ARNT2: variants seen among roughly 807,000 people sequenced by gnomAD.
ARNT2 encodes ARNT protein 2.
A neutral mutation model predicts 91.7 loss-of-function variants in ARNT2; 36 were observed. The observed-to-expected ratio is 0.39, with a 90% CI of 0.30 to 0.52. The LOEUF (loss-of-function observed/expected upper bound fraction) is 0.52, where lower values mean the gene tolerates loss of function less well. Among genes scored for constraint, ARNT2 ranks in the 20% least tolerant of loss-of-function variants. ARNT2 has a pLI of 0.72. For synonymous variants in ARNT2, 365 were observed against 347.1 expected, an observed-to-expected ratio of 1.05 and a Z score of -0.57; for missense variants, 775 against 939.3, an observed-to-expected ratio of 0.83 and a Z score of 2.29.
At chr15:80,507,094 G>T (rs1012304770) in intron 5 of ARNT2, among the ~76,000 whole-genome samples, 2 of 152,214 alleles carry the variant, frequency 1.3e-5, no homozygotes, top group African/African-American at 4.8e-5. Flanking sequence ...TGCAGAGAGA[G>T]GATAAGAGCT....
rs1300429221 is a variant in ARNT2, at chr15:80,575,054, T to A, written c.1457T>A (p.Ile486Asn). 3 of 1,614,068 alleles carry A rather than the reference T, an allele frequency of 1.9e-6. No individual in the cohort carries two copies. The highest frequency in any genetic ancestry group is 1.7e-6 in the Non-Finnish European group (2 of 1,180,038). ...AAGTCCGTGGAAAAGGCGGATGCAA[T>A]CTTCTCCCAGGAAAGAGATCCTCGG... ...AGKSVEKADA[I>N]FSQERDPRFA... Residue 486 changes from isoleucine to asparagine, a missense_variant, in exon 14 of 19, where the codon ATC becomes AAC. Ile to Asn is a moderately radical substitution (Grantham distance 149). Around this residue, in one of 5 missense-constraint regions of ARNT2, gnomAD observed 325 missense variants for 359.9 expected, o/e 0.90. Transcript: ENST00000303329.
At chr15:80,407,608 A>C (rs149210456) in intron 1 of ARNT2, among the ~76,000 whole-genome samples, 1 of 152,250 alleles carries the variant, frequency 6.6e-6, no homozygotes, top group East Asian at 1.9e-4. Context: ...TTGGTCACTG[A>C]AACTGTTGTA....
intron 8 of ARNT2, among the ~76,000 whole-genome samples, chr15:80,536,057 A>G (rs1207225807): frequency 1.3e-5 from 2 of 152,204 alleles, no homozygotes; most frequent in Non-Finnish European, 2.9e-5. Context: ...TAGAAAACCA[A>G]ACAGCACAAC....
chr15:80,468,371 C>T (rs957651062), intron 3 of ARNT2, among the ~76,000 whole-genome samples: 18 of 152,186 alleles, frequency 1.2e-4, no homozygotes, highest in African/African-American at 3.9e-4. Flanking sequence ...CTGCCATGCA[C>T]GACAGCTTTC....
chr15:80,418,942 G>T (rs1383497168), intron 1 of ARNT2, among the ~76,000 whole-genome samples: 1 of 152,142 alleles, frequency 6.6e-6, no homozygotes, highest in Non-Finnish European at 1.5e-5. Flanking sequence ...TAGGTGCTGG[G>T]AATACACTGG....
intron 8 of ARNT2, among the ~76,000 whole-genome samples, chr15:80,526,216 G>A (rs1455314888): frequency 6.6e-6 from 1 of 152,112 alleles, no homozygotes; most frequent in African/African-American, 2.4e-5. Flanking sequence ...AAAACATTTG[G>A]GATATGACTG....
chr15:80,454,914 A>G lies in ARNT2; in HGVS notation c.147-3015A>G, dbSNP rs572555218. The stretch of plus-strand genomic sequence containing the variant: ...GAAAAGTACAGTAAAATGCATTTTC[A>G]GCCCCCTTTTTGAAGACTCTTCTAT... On this transcript the variant is annotated intron_variant, in intron 2 of 18. Coordinates refer to ENST00000303329, the MANE Select transcript of ARNT2 (RefSeq NM_014862.4). Among the ~76,000 whole-genome samples, 6 of 152,364 alleles carry G rather than the reference A, an allele frequency of 3.9e-5. No individual in the cohort carries two copies. The South Asian group carries it at 1.2e-3, about 32-fold the overall frequency.
chr15:80,453,354 C>T (rs1366490973), intron 2 of ARNT2, among the ~76,000 whole-genome samples: 2 of 152,224 alleles, frequency 1.3e-5, no homozygotes, highest in Non-Finnish European at 2.9e-5. Context: ...ACCATCCTCA[C>T]TCCTACTTCC....
chr15:80,554,032 TC>T (rs938717153), intron 10 of ARNT2, among the ~76,000 whole-genome samples: 5 of 152,220 alleles, frequency 3.3e-5, no homozygotes, highest in African/African-American at 1.2e-4. Context: ...GGACTTCCCC[TC>T]CATTGCCAGT....
intron 12 of ARNT2, among the ~76,000 whole-genome samples, chr15:80,563,584 T>A (rs778436072): frequency 1.5e-4 from 23 of 152,232 alleles, no homozygotes; most frequent in Non-Finnish European, 2.2e-4. Context: ...TTGCTCCCTG[T>A]TGCAGCAGCT....
chr15:80,575,783 C>G (rs1898663172), intron 14 of ARNT2, among the ~76,000 whole-genome samples: 1 of 152,190 alleles, frequency 6.6e-6, no homozygotes, highest in African/African-American at 2.4e-5. Context: ...CAGGGCTGTT[C>G]CCTGGACATC....
In ARNT2 at chr15:80,589,538, C is replaced by T. The variant is rs543321601; in HGVS notation, c.1919-2030C>T. On this transcript the variant is annotated intron_variant, in intron 17 of 18. Coordinates refer to ENST00000303329, the MANE Select transcript of ARNT2 (RefSeq NM_014862.4). ...GCATAAGGACATTCCCCCAGTCTAC[C>T]ATGCCCTTCCTTCAGCACAGGTGGC... Among the ~76,000 whole-genome samples the T allele has an allele frequency of 2.6e-5, 4 of 152,302 alleles. No homozygotes were observed. In the South Asian group the frequency reaches 8.3e-4, roughly 32 times the overall value.
chr15:80,524,612 C>G (rs372153602), intron 8 of ARNT2, among the ~76,000 whole-genome samples: 2 of 152,130 alleles, frequency 1.3e-5, no homozygotes, highest in Admixed American at 1.3e-4. Flanking sequence ...CGCAGTGGCT[C>G]ACACCTGTAA....
At chr15:80,535,466 G>A (rs1897805775) in intron 8 of ARNT2, among the ~76,000 whole-genome samples, 1 of 152,144 alleles carries the variant, frequency 6.6e-6, no homozygotes, top group South Asian at 2.1e-4. Flanking sequence ...GGAGAGGAAT[G>A]ACATATTTTA....
At chr15:80,437,701 C>T (rs2141574997) in intron 1 of ARNT2, among the ~76,000 whole-genome samples, 1 of 152,292 alleles carries the variant, frequency 6.6e-6, no homozygotes, top group Middle Eastern at 3.4e-3. Flanking sequence ...CTTCTGTTCC[C>T]CTCCCTCAGT....
intron 8 of ARNT2, among the ~76,000 whole-genome samples, chr15:80,539,826 A>G (rs1041931478): frequency 2.0e-5 from 3 of 151,698 alleles, no homozygotes; most frequent in Non-Finnish European, 2.9e-5. Context: ...CAAAATCACA[A>G]TGAGGTATTA....
chr15:80,554,090 A>C (rs1898133153), intron 10 of ARNT2, among the ~76,000 whole-genome samples: 1 of 152,124 alleles, frequency 6.6e-6, no homozygotes, highest in African/African-American at 2.4e-5. Flanking sequence ...GCGATCTATG[A>C]GTTAGTTTAA....
intron 1 of ARNT2, among the ~76,000 whole-genome samples, chr15:80,431,339 C>G (rs1896006692): frequency 6.6e-6 from 1 of 152,090 alleles, no homozygotes; most frequent in African/African-American, 2.4e-5. Flanking sequence ...CTTGCCATGC[C>G]CAGGTTATGG....
intron 1 of ARNT2, among the ~76,000 whole-genome samples, chr15:80,435,497 C>T (rs1209876373): frequency 6.6e-6 from 1 of 152,122 alleles, no homozygotes; most frequent in Non-Finnish European, 1.5e-5. Context: ...TCCTCCCTTT[C>T]CCACCCCTTC....
Sources: gnomAD v4.1 joint callset for allele counts (sites outside exome capture counted in the v4.1 genomes callset) on GRCh38, gnomAD v4.1.1 for gene constraint, gnomAD v4.1.1 regional missense constraint, MANE v1.5 for transcripts, NCBI Gene and HGNC (gene_info 2026-07-23, HGNC 2026-07-21) for gene names.